Variants in KMT2D observed in about 807,000 individuals in gnomAD.
KMT2D encodes histone-lysine N-methyltransferase 2D.
Under a neutral mutation model 512.7 loss-of-function variants are expected in KMT2D, and 55 were observed. The ratio of observed to expected loss-of-function variants is 0.11; its 90% CI spans 0.09 to 0.13. The LOEUF (loss-of-function observed/expected upper bound fraction) is 0.13. Among genes scored for constraint, KMT2D ranks in the 10% least tolerant of loss-of-function variants. The pLI, the probability that KMT2D is intolerant of heterozygous loss-of-function variation, is 1.00. For synonymous variants in KMT2D, 2,995 were observed against 2,904.0 expected, an observed-to-expected ratio of 1.03 and a Z score of -1.01; for missense variants, 6,061 against 7,127.9, an observed-to-expected ratio of 0.85 and a Z score of 5.39.
intron 1 of KMT2D, among the ~76,000 whole-genome samples, chr12:49,056,779 G>A (rs1565827969): frequency 6.6e-6 from 1 of 152,286 alleles, no homozygotes; most frequent in South Asian, 2.1e-4. Context: ...ACTTACGGTT[G>A]AATGACTGGG....
In KMT2D at chr12:49,032,222, C is replaced by T. The variant is rs905738586; in HGVS notation, c.12483G>A (p.Glu4161=). Residue 4161 remains glutamate, a synonymous_variant, in exon 40 of 55, where the codon GAG becomes GAA. Transcript: ENST00000301067. ...GCCCTGTATTATTTTGCATGGGCCG[C>T]TCTAGCATGGGCTGTTGGGGGCCCA... ...NLLGPQQPML[E]RPMQNNTGPQ... 6.8e-6 allele frequency: 11 copies of T among 1,613,472 alleles called. No homozygotes were observed. The Admixed American group carries it at 1.2e-4, about 17-fold the overall frequency.
rs934689802 is a variant in KMT2D at position 49,060,209 on chromosome 12, G to A, written c.-634C>T. ...TGAACCTGACACACACCCAGCGCCG[G>A]GCTTCTCGACCCCGAGCGCTCACCC... On this transcript the variant is annotated 5_prime_UTR_variant, in exon 1 of 55. Transcript: ENST00000301067. Among the ~76,000 whole-genome samples the A allele has an allele frequency of 1.3e-5, 2 of 151,874 alleles. No individual in the cohort carries two copies. Among genetic ancestry groups the A allele is most frequent in the African/African-American group, 4.8e-5 (2 of 41,382 alleles).
chr12:49,031,525 G>C lies in KMT2D; in HGVS notation c.13180C>G (p.Leu4394Val). ...AETQKPEQSS[L>V]VPGHLDQVNG... ...ACCTGGTCCAGATGCCCAGGTACCA[G>C]GCTGCTCTGCTCTGGCTTCTGGGTT... Residue 4394 changes from leucine (L) to valine (V), a missense_variant, in exon 40 of 55, where the codon CTG becomes GTG. Leu to Val is a conservative substitution (Grantham distance 32, BLOSUM62 1). Coordinates refer to ENST00000301067, the MANE Select transcript of KMT2D (RefSeq NM_003482.4). The C allele has an allele frequency of 6.2e-7, 1 of 1,609,648 alleles. No individual in the cohort carries two copies. The highest frequency in any genetic ancestry group is 8.5e-7 in the Non-Finnish European group (1 of 1,178,046).
rs1480154825 is a variant in KMT2D at position 49,050,456 on chromosome 12, A to T, written c.3132T>A (p.Pro1044=). 6.2e-7 allele frequency: 1 copy of T among 1,613,906 alleles called. No homozygotes were observed. The highest frequency in any genetic ancestry group is 8.5e-7 in the Non-Finnish European group (1 of 1,179,854). Residue 1044 remains proline, a synonymous_variant, in exon 12 of 55, where the codon CCT becomes CCA. Transcript: ENST00000301067. ...AGGGAACGGACAGTGGTAGGGCAGG[A>T]GGAGAGCACTGGGAAGGAGGGGAGT... The part of the protein sequence containing the change: ...PQNSPPSQCS[P]PALPLSVPSP...
intron 48 of KMT2D, among the ~76,000 whole-genome samples, chr12:49,027,523 C>T (rs1942662960): frequency 6.6e-6 from 1 of 152,032 alleles, no homozygotes; most frequent in South Asian, 2.1e-4. Flanking sequence ...AATCTTGGCT[C>T]ACTGCAACCT....
rs370940954 is a variant in KMT2D, at chr12:49,038,810, G to A, written c.8546C>T (p.Ala2849Val). 3.8e-6 allele frequency: 6 copies of A among 1,571,742 alleles called. No homozygotes were observed. In the African/African-American group the frequency reaches 6.8e-5, roughly 18 times the overall value. Residue 2849 changes from alanine to valine, a missense_variant, in exon 35 of 55, where the codon GCC becomes GTC. By Grantham distance (64) the Ala-to-Val change is moderately conservative. Coordinates refer to ENST00000301067, the MANE Select transcript of KMT2D (RefSeq NM_003482.4). The surrounding 1 kb of genome is among the most constrained non-coding windows in gnomAD (Gnocchi z 5.7). Reference sequence around the variant, plus strand: ...AATTCCCGCCAACGGGGAACCTAGGGCTTGGCGGCCAAGTTCAGGTCCAGG... The same window carrying A: ...AATTCCCGCCAACGGGGAACCTAGGACTTGGCGGCCAAGTTCAGGTCCAGG... ...STPGPELGRQ[A>V]LGSPLAGIST...
intron 19 of KMT2D, 59 bp from the exon 20 acceptor site, chr12:49,045,024 G>T (rs1464902709): frequency 1.3e-6 from 2 of 1,504,454 alleles, no homozygotes; most frequent in East Asian, 2.3e-5. Context: ...AACCAGAACT[G>T]CAAGTTTCAA....
chr12:49,060,389 G>C lies in KMT2D; in HGVS notation c.-814C>G, dbSNP rs1406831603. Among the ~76,000 whole-genome samples the C allele has an allele frequency of 1.3e-5, 2 of 151,882 alleles. No homozygotes were observed. Among genetic ancestry groups the C allele is most frequent in the East Asian group, 3.9e-4 (2 of 5,154 alleles). ...CTCGCCTCCCTTCCCCTCTGGCCTC[G>C]GGAGCTGCCCCGCCCCCGGCCTGGC... On this transcript the variant is annotated 5_prime_UTR_variant, in exon 1 of 55. Coordinates refer to ENST00000301067, the MANE Select transcript of KMT2D (RefSeq NM_003482.4).
At position 49,054,556 on chromosome 12, in the gene KMT2D, A is replaced by G. The variant is rs2120710691; in HGVS notation, c.372T>C (p.Leu124=). ...CAGGTTCTCCTAGGTGGGCAGGTGTAAGGCCCTCAGGGAAACCAATCTGTG... is the reference window on the plus strand; with the variant it reads ...CAGGTTCTCCTAGGTGGGCAGGTGTGAGGCCCTCAGGGAAACCAATCTGTG... The part of the protein sequence containing the change: ...DLSQIGFPEG[L]TPAHLGEPGG... Residue 124 remains leucine (L), a synonymous_variant, in exon 4 of 55, where the codon CTT becomes CTC. Coordinates refer to ENST00000301067, the MANE Select transcript of KMT2D (RefSeq NM_003482.4). This position sits in a 1 kb window ranked among gnomAD's most constrained non-coding sequence, Gnocchi z 6.4. The G allele has an allele frequency of 6.2e-7, 1 of 1,612,330 alleles. No individual in the cohort carries two copies. Among genetic ancestry groups the G allele is most frequent in the Non-Finnish European group, 8.5e-7 (1 of 1,179,164 alleles).
chr12:49,057,162 A>G (rs1163269499), intron 1 of KMT2D, among the ~76,000 whole-genome samples: 1 of 152,170 alleles, frequency 6.6e-6, no homozygotes, highest in Non-Finnish European at 1.5e-5. Flanking sequence ...TGAGGGCAGC[A>G]GCCAGGCCCC....
At chr12:49,028,734 G>T (rs2120384612) in intron 46 of KMT2D, 94 bp downstream of exon 46, 1 of 1,514,424 alleles carries the variant, frequency 6.6e-7, no homozygotes, top group Non-Finnish European at 9.0e-7. Flanking sequence ...CAGTACATGT[G>T]CTTGAACGAC....
In KMT2D at chr12:49,040,925, C is replaced by T. The variant is rs746386351; in HGVS notation, c.6845G>A (p.Arg2282Gln). The T allele has an allele frequency of 9.9e-6, 16 of 1,613,582 alleles. No individual in the cohort carries two copies. The highest frequency in any genetic ancestry group is 1.3e-5 in the African/African-American group (1 of 74,900). The change falls in exon 32 of 55, where the codon CGG (arginine) becomes CAG (glutamine). Residue 2282 changes from arginine (R) to glutamine (Q), a missense_variant. Around this residue, in one of 16 missense-constraint regions of KMT2D, gnomAD observed 710 missense variants for 647.3 expected, o/e 1.10. Transcript: ENST00000301067. The stretch of plus-strand genomic sequence containing the variant: ...TTCCTTCTTCACCTCTAGGGCCTTC[C>T]GGGACTCCCCAAAAGGTGGGGGCGA... Reference protein sequence around the residue: ...LLSPPPFGESRKALEVKKEEL... With the variant: ...LLSPPPFGESQKALEVKKEEL...
At position 49,029,167 on chromosome 12, in the gene KMT2D, C is replaced by T. The variant is rs376628232; in HGVS notation, c.14145G>A (p.Leu4715=). The T allele has an allele frequency of 6.2e-7, 1 of 1,613,814 alleles. No homozygotes were observed. The highest frequency in any genetic ancestry group is 8.5e-7 in the Non-Finnish European group (1 of 1,179,812). ...IVPASSPESI[L]GEEAPRFPHL... is the part of the protein sequence containing the mutation. ...GAGGGAAACGAGGGGCCTCCTCCCC[C>T]AAGATGCTCTCAGGGGATGAAGCTG... Residue 4715 remains leucine (L), a synonymous_variant, in exon 45 of 55, where the codon TTG becomes TTA. Transcript: ENST00000301067.
Position 49,055,376 on chromosome 12 carries a change from A to G in KMT2D, c.-37-15T>C, listed in dbSNP as rs1938347956. ...CTCGGGGAGACCTGTTGGTGCCAAG[A>G]AAGAGATCTATATGCCTACTAAGTC... On this transcript the variant is annotated splice_polypyrimidine_tract_variant and intron_variant, in intron 1 of 54. Transcript: ENST00000301067. The G allele has an allele frequency of 4.5e-6, 7 of 1,553,612 alleles. No homozygotes were observed. The highest frequency in any genetic ancestry group is 6.2e-6 in the Non-Finnish European group (7 of 1,130,818).
intron 19 of KMT2D, among the ~76,000 whole-genome samples, chr12:49,045,620 G>A (rs1278698120): frequency 6.7e-6 from 1 of 149,028 alleles, no homozygotes; most frequent in African/African-American, 2.5e-5. Context: ...CTCCAGCCTG[G>A]GCAACAGAGC....
In KMT2D at chr12:49,044,815, G is replaced by A. The variant is rs1443787668; in HGVS notation, c.4892C>T (p.Pro1631Leu). 3 of 1,614,042 alleles carry A rather than the reference G, an allele frequency of 1.9e-6. No individual in the cohort carries two copies. The South Asian group carries it at 3.3e-5, about 18-fold the overall frequency. Residue 1631 changes from proline to leucine, a missense_variant, in exon 20 of 55, where the codon CCC becomes CTC. This residue lies in a region of KMT2D where 640 missense variants were observed against 814.3 expected (regional missense o/e 0.79). Transcript: ENST00000301067. This position sits in a 1 kb window ranked among gnomAD's most constrained non-coding sequence, Gnocchi z 6.4. ...GTCATCAGGGCCAAGGGCATCTGAG[G>A]GCTCAGAACCCTCCAATCCTGCCTC... Reference protein sequence around the residue: ...PGEAGLEGSEPSDALGPDDKK... With the variant: ...PGEAGLEGSELSDALGPDDKK...
intron 24 of KMT2D, 72 bp downstream of exon 24, chr12:49,043,563 C>A (rs2120570159): frequency 6.2e-7 from 1 of 1,602,134 alleles, no homozygotes. Flanking sequence ...CATTTCCCAT[C>A]AAATAACTTG....
At chr12:49,045,456 A>G (rs1398696747) in intron 19 of KMT2D, among the ~76,000 whole-genome samples, 1 of 152,138 alleles carries the variant, frequency 6.6e-6, no homozygotes, top group East Asian at 1.9e-4. Flanking sequence ...ATCCTGGCTA[A>G]CACGGTGAAA....
intron 1 of KMT2D, among the ~76,000 whole-genome samples, chr12:49,057,637 A>G (rs1938489300): frequency 6.6e-6 from 1 of 152,214 alleles, no homozygotes; most frequent in South Asian, 2.1e-4. Flanking sequence ...CTGAGCCCTC[A>G]GTCCCTATTT....
Sources: gnomAD v4.1 joint callset for allele counts (sites outside exome capture counted in the v4.1 genomes callset) on GRCh38, gnomAD v4.1.1 for gene constraint, gnomAD v4.1.1 regional missense constraint, Gnocchi (gnomAD v3.1) non-coding constraint, MANE v1.5 for transcripts, NCBI Gene and HGNC (gene_info 2026-07-23, HGNC 2026-07-21) for gene names.